The following ANO2 variants were observed in gnomAD, a reference collection of about 807,000 sequenced individuals.
The protein encoded by ANO2 is anoctamin-2.
Under a neutral mutation model 124.2 loss-of-function variants are expected in ANO2, and 101 were observed. That is an observed-to-expected ratio of 0.81 (90% CI 0.69 to 0.96). The LOEUF (loss-of-function observed/expected upper bound fraction) is 0.96, where lower values mean the gene tolerates loss of function less well. Ranked by LOEUF, ANO2 falls within the 40% of genes least tolerant of loss-of-function variation. The pLI, the probability that ANO2 is intolerant of heterozygous loss-of-function variation, is 0.00. For synonymous variants in ANO2, 486 were observed against 482.5 expected (o/e 1.01, Z -0.09); for missense variants, 1,293 against 1,274.5 (o/e 1.01, Z -0.22).
intron 21 of ANO2, 83 bp from the exon 22 acceptor site, chr12:5,578,090 G>A (rs781480348): frequency 1.3e-6 from 2 of 1,507,264 alleles, no homozygotes; most frequent in Non-Finnish European, 1.8e-6. Context: ...GTGATGTTTT[G>A]CAGGTGAACT....
intron 14 of ANO2, among the ~76,000 whole-genome samples, chr12:5,709,120 T>C (rs1949718733): frequency 6.6e-6 from 1 of 152,162 alleles, no homozygotes; most frequent in Non-Finnish European, 1.5e-5. Flanking sequence ...TCCCTTCAGG[T>C]TCACTTTTCC....
At chr12:5,566,245 G>A (rs999095821) in intron 23 of ANO2, among the ~76,000 whole-genome samples, 6 of 152,082 alleles carry the variant, frequency 3.9e-5, no homozygotes, top group Non-Finnish European at 4.4e-5. Context: ...GGGATGGGAG[G>A]GTCATTAAGC....
chr12:5,603,360 G>C (rs184368515), intron 19 of ANO2, among the ~76,000 whole-genome samples: 2 of 152,342 alleles, frequency 1.3e-5, no homozygotes, highest in Admixed American at 1.3e-4. Flanking sequence ...GAGAAGTTTA[G>C]TGATTATGAG....
intron 3 of ANO2, among the ~76,000 whole-genome samples, chr12:5,883,541 G>A (rs981835002): frequency 2.4e-4 from 35 of 148,222 alleles, no homozygotes; most frequent in Non-Finnish European, 4.8e-4. Context: ...GTGTGTGTGT[G>A]TGGTGTCTGC....
At chr12:5,816,695 G>A (rs144273039) in intron 7 of ANO2, among the ~76,000 whole-genome samples, 9 of 152,224 alleles carry the variant, frequency 5.9e-5, no homozygotes, top group African/African-American at 1.4e-4. Flanking sequence ...CCTGACATAC[G>A]TAAGTTTCCT....
intron 17 of ANO2, among the ~76,000 whole-genome samples, chr12:5,613,335 A>G (rs1367961355): frequency 2.0e-5 from 3 of 152,166 alleles, no homozygotes; most frequent in Admixed American, 6.5e-5. Flanking sequence ...CTCTGGTTGC[A>G]ACTCCTTAGT....
intron 14 of ANO2, among the ~76,000 whole-genome samples, chr12:5,676,196 T>C (rs1437234065): frequency 2.0e-5 from 3 of 152,164 alleles, no homozygotes; most frequent in African/African-American, 7.2e-5. Context: ...GGCACCCAGA[T>C]ACCAAAGCAA....
intron 16 of ANO2, among the ~76,000 whole-genome samples, chr12:5,615,879 T>C (rs1384138839): frequency 2.0e-5 from 3 of 152,044 alleles, no homozygotes; most frequent in Admixed American, 6.6e-5. Context: ...AGTCATACAC[T>C]CAAATGATAA....
intron 3 of ANO2, among the ~76,000 whole-genome samples, chr12:5,875,655 C>T (rs1164848717): frequency 1.3e-5 from 2 of 152,180 alleles, no homozygotes; most frequent in African/African-American, 4.8e-5. Flanking sequence ...CACCATCAAA[C>T]ACATCAGGCC....
chr12:5,753,129 C>G (rs2137095596), intron 10 of ANO2, among the ~76,000 whole-genome samples: 1 of 152,278 alleles, frequency 6.6e-6, no homozygotes, highest in Non-Finnish European at 1.5e-5. Flanking sequence ...GTCACAGAAA[C>G]AGTCTGTGGT....
At chr12:5,942,207 A>T (rs1942924305) in intron 1 of ANO2, among the ~76,000 whole-genome samples, 2 of 152,244 alleles carry the variant, frequency 1.3e-5, no homozygotes, top group East Asian at 3.8e-4. Context: ...TTAGGATAAC[A>T]GGTTTAACCT....
chr12:5,867,784 A>G (rs1398807340), intron 3 of ANO2, among the ~76,000 whole-genome samples: 2 of 149,458 alleles, frequency 1.3e-5, no homozygotes, highest in Non-Finnish European at 3.0e-5. Context: ...TAATGAAAAA[A>G]AAAAAAAAAA....
chr12:5,716,912 A>G (rs1386797517), intron 14 of ANO2, among the ~76,000 whole-genome samples: 1 of 152,210 alleles, frequency 6.6e-6, no homozygotes, highest in East Asian at 1.9e-4. Flanking sequence ...TGTGGAAATC[A>G]ATACAGGCCC....
At chr12:5,818,483 A>G (rs1373289097) in intron 7 of ANO2, among the ~76,000 whole-genome samples, 64 of 97,060 alleles carry the variant, frequency 6.6e-4, no homozygotes, top group African/African-American at 2.7e-3. Flanking sequence ...ATATATATAT[A>G]TATATATATA....
chr12:5,596,478 T>C (rs1392532310), intron 20 of ANO2, among the ~76,000 whole-genome samples: 2 of 152,162 alleles, frequency 1.3e-5, no homozygotes, highest in African/African-American at 2.4e-5. Context: ...TTCTCTTCTG[T>C]TTTCAAGATT....
intron 15 of ANO2, among the ~76,000 whole-genome samples, chr12:5,644,149 T>G (rs1316591207): frequency 6.6e-6 from 1 of 152,220 alleles, no homozygotes; most frequent in South Asian, 2.1e-4. Context: ...CTCGATTGTT[T>G]TGCCTTTCAC....
Position 5,945,227 on chromosome 12 carries a change from G to A in ANO2, c.-10C>T, listed in dbSNP as rs1057443046. 19 of 1,287,546 alleles carry A rather than the reference G, an allele frequency of 1.5e-5. No individual in the cohort carries two copies. The highest frequency in any genetic ancestry group is 1.9e-5 in the Non-Finnish European group (19 of 987,588). The allele number at this position is 1,287,546 out of a possible 1,614,324, so 79.8% of individuals were successfully genotyped here. A position where few individuals can be genotyped will look rare whatever the true frequency, so the allele number is the denominator to read the frequency against. On this transcript the variant is annotated 5_prime_UTR_variant, in exon 1 of 25. Transcript: ENST00000682330. ...GCCCGGGAGTCGCCATGATGTGGAC[G>A]CAGACCCCGCCGGCCCGCGGCCGCG... is the stretch of plus-strand genomic sequence containing the variant.
At position 5,918,883 on chromosome 12, in the gene ANO2, T is replaced by C. The variant is rs555980222; in HGVS notation, c.534+2157A>G. On this transcript the variant is annotated intron_variant, in intron 3 of 24. Transcript: ENST00000682330. Reference sequence around the variant, plus strand: ...CTGAAATTTTCATTGCTCCATCTAATGATGAGGCATGTTTAAGTATAATCC... The same window carrying C: ...CTGAAATTTTCATTGCTCCATCTAACGATGAGGCATGTTTAAGTATAATCC... 7.9e-5 allele frequency among the ~76,000 whole-genome samples: 12 copies of C among 152,334 alleles called. 1 individual carries two copies. Among genetic ancestry groups the C allele is most frequent in the African/African-American group, 2.6e-4 (11 of 41,566 alleles).
intron 21 of ANO2, 50 bp from the exon 22 acceptor site, chr12:5,578,057 T>C (rs1469654135): frequency 6.3e-7 from 1 of 1,579,264 alleles, no homozygotes; most frequent in Non-Finnish European, 8.7e-7. Context: ...CTCGGCCCAG[T>C]GATGACAACG....
Sources: allele counts gnomAD v4.1 joint callset (sites outside exome capture counted in the v4.1 genomes callset), GRCh38; gene constraint gnomAD v4.1.1; transcripts MANE v1.5; gene names NCBI Gene and HGNC (gene_info 2026-07-23, HGNC 2026-07-21).